Variants in ERCC2 observed in about 807,000 individuals in gnomAD.
ERCC2 encodes general transcription and DNA repair factor IIH helicase subunit XPD.
Under a neutral mutation model 99.4 loss-of-function variants are expected in ERCC2, and 90 were observed. The ratio of observed to expected loss-of-function variants is 0.91; its 90% CI spans 0.76 to 1.08. The LOEUF is 1.08. Among genes scored for constraint, ERCC2 ranks in the 50% least tolerant of loss-of-function variants. The pLI, the probability that ERCC2 is intolerant of heterozygous loss-of-function variation, is 0.00. For synonymous variants in ERCC2, 497 were observed against 432.4 expected (o/e 1.15, Z -1.85); for missense variants, 993 against 1,038.1 (o/e 0.96, Z 0.60).
chr19:45,353,399 C>G (rs1462792572), intron 17 of ERCC2, 65 bp from the exon 18 acceptor site: 1 of 1,031,856 alleles, frequency 9.7e-7, no homozygotes, highest in Non-Finnish European at 1.5e-6. Flanking sequence ...ACATCCAACT[C>G]TTCTGGGGAC....
Position 45,357,365 on chromosome 19 carries a change from A to C in ERCC2, c.1384T>G (p.Ser462Ala). 1 of 1,613,708 alleles carries C rather than the reference A, an allele frequency of 6.2e-7. No homozygotes were observed. The highest frequency in any genetic ancestry group is 8.5e-7 in the Non-Finnish European group (1 of 1,179,640). ...ATCTTGGGGTAGATGTCCAGCGGGG[A>C]CAGTGTCTGTGGCGGGACAGTGGGA... ...QSVIITSGTL[S>A]PLDIYPKILD... Residue 462 changes from serine (S) to alanine (A), a missense_variant, in exon 15 of 23, where the codon TCC becomes GCC. Around this residue, in one of 3 missense-constraint regions of ERCC2, gnomAD observed 909 missense variants for 930.8 expected, o/e 0.98. Transcript: ENST00000391945.
In ERCC2 at chr19:45,352,377, G is replaced by A. The variant is rs1242401374; in HGVS notation, c.2047-25C>T. On this transcript the variant is annotated intron_variant, in intron 21 of 22. Coordinates refer to ENST00000391945, the MANE Select transcript of ERCC2 (RefSeq NM_000400.4). ...GCTGTGGGCAGAAGCGCAGGCCAGG[G>A]ACAGAAGGTCATTCGGGGAGCCTGG... 8 of 1,613,666 alleles carry A rather than the reference G, an allele frequency of 5.0e-6. No homozygotes were observed. The East Asian group carries it at 1.3e-4, about 27-fold the overall frequency.
intron 12 of ERCC2, chr19:45,358,044 T>A: frequency 2.4e-6 from 1 of 413,100 alleles, no homozygotes; most frequent in Non-Finnish European, 4.5e-6. Context: ...TCCCATGACC[T>A]TTTCTTGTTT....
intron 12 of ERCC2, among the ~76,000 whole-genome samples, chr19:45,360,229 C>T (rs1231256752): frequency 4.0e-5 from 6 of 151,038 alleles, no homozygotes; most frequent in East Asian, 3.9e-4. Context: ...TACAGGCGCC[C>T]GCCACCACGC....
intron 17 of ERCC2, among the ~76,000 whole-genome samples, chr19:45,353,941 G>GC (rs1177072270): frequency 6.6e-6 from 1 of 152,208 alleles, no homozygotes; most frequent in Admixed American, 6.5e-5. Flanking sequence ...CTTGGGGTAG[G>GC]CAAAGGTGTC....
intron 17 of ERCC2, 140 bp downstream of exon 17, chr19:45,354,590 C>G: frequency 2.8e-6 from 3 of 1,071,308 alleles, no homozygotes; most frequent in Non-Finnish European, 4.2e-6. Flanking sequence ...TGCTTACACC[C>G]CATTCCTACA....
At chr19:45,365,773 G>T (rs1029149539) in intron 5 of ERCC2, among the ~76,000 whole-genome samples, 6 of 138,468 alleles carry the variant, frequency 4.3e-5, no homozygotes, top group African/African-American at 1.8e-4. Context: ...CCTGGGCCAC[G>T]GAGCCAGACT....
chr19:45,356,299 C>G (rs972653045), intron 15 of ERCC2, among the ~76,000 whole-genome samples: 1 of 152,224 alleles, frequency 6.6e-6, no homozygotes, highest in African/African-American at 2.4e-5. Context: ...AAGCTCTGAA[C>G]ACATTTCTTT....
intron 6 of ERCC2, 26 bp from the exon 7 acceptor site, chr19:45,364,980 G>A: frequency 6.2e-7 from 1 of 1,610,564 alleles, no homozygotes; most frequent in Non-Finnish European, 8.5e-7. Context: ...CAGGGGTCAG[G>A]GAGGCTGCCT....
In ERCC2 at chr19:45,350,257, TAC is replaced by T; in HGVS notation, c.*1370_*1371del. Reference sequence around the variant, plus strand: ...GGCAACATACCAAGACCCCTGTCTCTACAAAAAAAAAAAAAAAGGCGGGACTG... The same window carrying T: ...GGCAACATACCAAGACCCCTGTCTCTAAAAAAAAAAAAAAAGGCGGGACTG... On this transcript the variant is annotated 3_prime_UTR_variant, in exon 23 of 23. Coordinates refer to ENST00000391945, the MANE Select transcript of ERCC2 (RefSeq NM_000400.4). 3 of 945,468 alleles carry T rather than the reference TAC, an allele frequency of 3.2e-6. No homozygotes were observed. Among genetic ancestry groups the T allele is most frequent in the Non-Finnish European group, 1.5e-6 (1 of 660,430 alleles). The allele number at this position is 945,468 out of a possible 1,614,324, so 58.6% of individuals were successfully genotyped here.
rs769231981 is a variant in ERCC2 at position 45,368,642 on chromosome 19, A to G, written c.348T>C (p.Cys116=). 23 of 1,611,320 alleles carry G rather than the reference A, an allele frequency of 1.4e-5. No individual in the cohort carries two copies. Among genetic ancestry groups the G allele is most frequent in the Non-Finnish European group, 1.5e-5 (18 of 1,177,542 alleles). The change falls in exon 5 of 23, where the codon TGT becomes TGC. Residue 116 remains cysteine (C), a synonymous_variant. Coordinates refer to ENST00000391945, the MANE Select transcript of ERCC2 (RefSeq NM_000400.4). ...GLALSSRKNL[C]IHPEVTPLRF... ...AACAGGTGCTCACCTCAGGGTGAAT[A>G]CACAAGTTTTTGCGGGAGCTCAGAG...
At chr19:45,359,419 C>A (rs1439615980) in intron 12 of ERCC2, among the ~76,000 whole-genome samples, 1 of 152,196 alleles carries the variant, frequency 6.6e-6, no homozygotes, top group Non-Finnish European at 1.5e-5. Flanking sequence ...TCAGGCCCTG[C>A]CGCAGGACAT....
chr19:45,351,041 A>G lies in ERCC2; in HGVS notation c.*588T>C, dbSNP rs1568528723. The G allele has an allele frequency of 7.4e-6, 12 of 1,614,014 alleles. No homozygotes were observed. The highest frequency in any genetic ancestry group is 1.0e-5 in the Non-Finnish European group (12 of 1,179,922). ...AGGTGAGGGGGACATCTGGGTCAAA[A>G]ATAGAGGAGGCCATGTGGGTAGGTG... is the stretch of plus-strand genomic sequence containing the variant. On this transcript the variant is annotated 3_prime_UTR_variant, in exon 23 of 23. Transcript: ENST00000391945.
In ERCC2 at chr19:45,351,137, A is replaced by G. The variant is rs1043840186; in HGVS notation, c.*492T>C. 4.4e-6 allele frequency: 7 copies of G among 1,602,092 alleles called. No individual in the cohort carries two copies. Among genetic ancestry groups the G allele is most frequent in the Non-Finnish European group, 6.0e-6 (7 of 1,173,788 alleles). ...GCAGGTGGTGGGTTGGTGTCAGAAG[A>G]GACCCAGGACAGGAGCAAAGATGGG... On this transcript the variant is annotated 3_prime_UTR_variant, in exon 23 of 23. Coordinates refer to ENST00000391945, the MANE Select transcript of ERCC2 (RefSeq NM_000400.4).
intron 15 of ERCC2, among the ~76,000 whole-genome samples, chr19:45,356,888 A>AGAGACG (rs1179366685): frequency 2.6e-5 from 4 of 152,196 alleles, no homozygotes; most frequent in Admixed American, 1.3e-4. Context: ...CACGTGTTAC[A>AGAGACG]GAGACGGAGA....
In ERCC2 at chr19:45,350,463, CTGGTGGCTTCTCTAT is replaced by C. The variant is rs772645068; in HGVS notation, c.*1151_*1165del. The C allele has an allele frequency of 1.2e-6, 2 of 1,613,438 alleles. No individual in the cohort carries two copies. The highest frequency in any genetic ancestry group is 1.7e-4 in the Middle Eastern group (1 of 6,060). On this transcript the variant is annotated 3_prime_UTR_variant, in exon 23 of 23. Coordinates refer to ENST00000391945, the MANE Select transcript of ERCC2 (RefSeq NM_000400.4). ...CCCTAGCCCCTGTCTGTCTTCCCTC[CTGGTGGCTTCTCTAT>C]GTCCCCATCTCAGTGTCCCCCATCT...
chr19:45,350,798 G>GGCCCCC lies in ERCC2; in HGVS notation c.*830_*831insGGGGGC. 2 of 1,434,606 alleles carry GGCCCCC rather than the reference G, an allele frequency of 1.4e-6. No homozygotes were observed. The highest frequency in any genetic ancestry group is 2.4e-5 in the East Asian group (1 of 42,388). 88.9% of individuals were successfully genotyped at this position (1,434,606 alleles called of 1,614,324 possible). ...AGCCCTGACATCAGCAGAATCCACA[G>GGCCCCC]CCCACCCCACCCCCACCCCCATCTT... On this transcript the variant is annotated 3_prime_UTR_variant, in exon 23 of 23. Coordinates refer to ENST00000391945, the MANE Select transcript of ERCC2 (RefSeq NM_000400.4).
intron 17 of ERCC2, among the ~76,000 whole-genome samples, chr19:45,354,265 ACCT>A (rs1971935744): frequency 1.3e-5 from 2 of 151,792 alleles, no homozygotes; most frequent in African/African-American, 2.4e-5. Flanking sequence ...ATGCCCCACG[ACCT>A]CCTCTAGCTG....
At position 45,351,540 on chromosome 19, in the gene ERCC2, A is replaced by G. The variant is rs915551878; in HGVS notation, c.*89T>C. On this transcript the variant is annotated 3_prime_UTR_variant, in exon 23 of 23. Transcript: ENST00000391945. ...AGTGAGAAATGTCACCTGACTTCAT[A>G]AGACCTTCTAGCACCACCGCCGCTG... 44 of 1,605,134 alleles carry G rather than the reference A, an allele frequency of 2.7e-5. No individual in the cohort carries two copies. The highest frequency in any genetic ancestry group is 3.6e-5 in the Non-Finnish European group (43 of 1,179,654).
Sources: allele counts gnomAD v4.1 joint callset (sites outside exome capture counted in the v4.1 genomes callset), GRCh38; gene constraint gnomAD v4.1.1; regional missense constraint gnomAD v4.1.1; transcripts MANE v1.5; gene names NCBI Gene and HGNC (gene_info 2026-07-23, HGNC 2026-07-21).